The following DERA variants were observed in gnomAD, a reference collection of about 807,000 sequenced individuals.
The protein encoded by DERA is deoxyribose-phosphate aldolase.
DERA carries 15 observed loss-of-function variants against 41.1 expected under a neutral mutation model. The observed-to-expected ratio is 0.37, with a 90% CI of 0.24 to 0.56. The LOEUF is 0.56. DERA is among the 20% of genes least tolerant of loss of function. The probability of loss-of-function intolerance (pLI) is 0.81; values close to 1 mark genes in which losing one functional copy is unlikely to be tolerated. For missense variants in DERA, 396 were observed against 403.4 expected, an observed-to-expected ratio of 0.98 and a Z score of 0.16; for synonymous variants, 139 against 137.4, an observed-to-expected ratio of 1.01 and a Z score of -0.08.
intron 6 of DERA, among the ~76,000 whole-genome samples, chr12:16,007,064 T>G (rs1948915558): frequency 6.6e-6 from 1 of 152,224 alleles, no homozygotes; most frequent in South Asian, 2.1e-4. Flanking sequence ...AGAGAAAATC[T>G]TTAAATAAAA....
chr12:15,958,108 T>G, intron 2 of DERA, 80 bp from the exon 3 acceptor site: 1 of 1,206,026 alleles, frequency 8.3e-7, no homozygotes, highest in Non-Finnish European at 1.1e-6. Context: ...CTAATGATTC[T>G]CTACTAACCA....
chr12:15,961,137 G>A, intron 4 of DERA, among the ~76,000 whole-genome samples: 1 of 152,146 alleles, frequency 6.6e-6, no homozygotes, highest in African/African-American at 2.4e-5. Context: ...ATGGAGTTAG[G>A]GGAGACTTGT....
At chr12:15,956,786 T>C (rs777234259) in intron 1 of DERA, 150 bp from the exon 2 acceptor site, 1 of 736,450 alleles carries the variant, frequency 1.4e-6, no homozygotes, top group South Asian at 1.4e-5. Flanking sequence ...AATAAGGTTG[T>C]TTATTTATAG....
At position 16,001,304 on chromosome 12, in the gene DERA, G is replaced by T. The variant is rs6488809; in HGVS notation, c.637+18868G>T. On this transcript the variant is annotated intron_variant, in intron 6 of 8. Transcript: ENST00000428559. The surrounding 1 kb of genome is among the most constrained non-coding windows in gnomAD (Gnocchi z 4.1). ...AGAAGAAATAAAAAAAACCATTCAG[G>T]CTCCCATGAGGTGATCAGGTACTTC... 0.072 allele frequency among the ~76,000 whole-genome samples: 10,903 copies of T among 152,136 alleles called. 468 individuals are homozygous for T. Among genetic ancestry groups the T allele is most frequent in the African/African-American group, 0.12 (5,167 of 41,480 alleles).
chr12:15,924,958 A>G lies in DERA; in HGVS notation c.31+13544A>G, dbSNP rs1948271374. On this transcript the variant is annotated intron_variant, in intron 1 of 8. Coordinates refer to ENST00000428559, the MANE Select transcript of DERA (RefSeq NM_015954.4). This position sits in a 1 kb window ranked among gnomAD's most constrained non-coding sequence, Gnocchi z 5.0. ...TATCACTTATGTCACCTTGAACAGT[A>G]CTTTTCATAATGTGAAGACTTGTTT... Among the ~76,000 whole-genome samples the G allele has an allele frequency of 6.6e-6, 1 of 152,222 alleles. No homozygotes were observed.
chr12:15,966,529 A>G lies in DERA; in HGVS notation c.508+3582A>G, dbSNP rs962237007. Among the ~76,000 whole-genome samples the G allele has an allele frequency of 6.6e-6, 1 of 152,138 alleles. No individual in the cohort carries two copies. Among genetic ancestry groups the G allele is most frequent in the Non-Finnish European group, 1.5e-5 (1 of 68,026 alleles). On this transcript the variant is annotated intron_variant, in intron 5 of 8. Coordinates refer to ENST00000428559, the MANE Select transcript of DERA (RefSeq NM_015954.4). This position sits in a 1 kb window ranked among gnomAD's most constrained non-coding sequence, Gnocchi z 5.1. ...TGTTTGTCTTGAGAAGTTCAAACTAATATACTAATGACCTGTCATCTCATT... is the reference window on the plus strand; with the variant it reads ...TGTTTGTCTTGAGAAGTTCAAACTAGTATACTAATGACCTGTCATCTCATT...
At position 15,911,615 on chromosome 12, in the gene DERA, T is replaced by C; in HGVS notation, c.31+201T>C. ...CGTTCGCGCCGCTTGTCTTTGCACC[T>C]AAGCTTTTACTCTTGTATGCGGAAG... is the stretch of plus-strand genomic sequence containing the variant. On this transcript the variant is annotated intron_variant, in intron 1 of 8. Coordinates refer to ENST00000428559, the MANE Select transcript of DERA (RefSeq NM_015954.4). This position sits in a 1 kb window ranked among gnomAD's most constrained non-coding sequence, Gnocchi z 4.5. 1 of 701,244 alleles carries C rather than the reference T, an allele frequency of 1.4e-6. No individual in the cohort carries two copies. Among genetic ancestry groups the C allele is most frequent in the Non-Finnish European group, 2.6e-6 (1 of 386,418 alleles). 43.4% of individuals were successfully genotyped at this position (701,244 alleles called of 1,614,324 possible).
At position 15,999,852 on chromosome 12, in the gene DERA, C is replaced by A. The variant is rs1288460045; in HGVS notation, c.637+17416C>A. Among the ~76,000 whole-genome samples, 3 of 152,112 alleles carry A rather than the reference C, an allele frequency of 2.0e-5. No individual in the cohort carries two copies. Among genetic ancestry groups the A allele is most frequent in the African/African-American group, 7.2e-5 (3 of 41,416 alleles). ...CTGGATGACAAAGATTATTATGACA[C>A]CCTCAATCCAGATGCTTTGTAGAAG... On this transcript the variant is annotated intron_variant, in intron 6 of 8. Transcript: ENST00000428559. This position sits in a 1 kb window ranked among gnomAD's most constrained non-coding sequence, Gnocchi z 5.3.
intron 1 of DERA, among the ~76,000 whole-genome samples, chr12:15,925,822 C>CTTTTTT (rs35956433): frequency 3.3e-4 from 31 of 95,260 alleles, no homozygotes; most frequent in African/African-American, 4.8e-4. Flanking sequence ...ACTCCTGAGG[C>CTTTTTT]TTTTTTTTTT....
At position 15,940,163 on chromosome 12, in the gene DERA, A is replaced by G. The variant is rs1276199902; in HGVS notation, c.32-16773A>G. On this transcript the variant is annotated intron_variant, in intron 1 of 8. Transcript: ENST00000428559. The surrounding 1 kb of genome is among the most constrained non-coding windows in gnomAD (Gnocchi z 5.1). ...AGTGGTAGTCACAACAATGTCAGTT[A>G]TTTTATCTTCAGCAAAATAGACTTC... is the stretch of plus-strand genomic sequence containing the variant. Among the ~76,000 whole-genome samples, 1 of 152,154 alleles carries G rather than the reference A, an allele frequency of 6.6e-6. No homozygotes were observed. The highest frequency in any genetic ancestry group is 1.5e-5 in the Non-Finnish European group (1 of 68,026).
intron 1 of DERA, among the ~76,000 whole-genome samples, chr12:15,914,393 T>TAAAAAAAAAA (rs1185673228): frequency 2.4e-4 from 13 of 54,604 alleles, no homozygotes; most frequent in Non-Finnish European, 3.7e-4. Context: ...TCAAAAAAGA[T>TAAAAAAAAAA]AAAAAAAAAA....
rs572716895 is a variant in DERA at position 15,926,651 on chromosome 12, G to A, written c.31+15237G>A. ...CTCGGGAGGCTGAGGCAGGGGAATG[G>A]CGTGAACCCGGGAGGCGGAGCTTGC... On this transcript the variant is annotated intron_variant, in intron 1 of 8. Coordinates refer to ENST00000428559, the MANE Select transcript of DERA (RefSeq NM_015954.4). Among the ~76,000 whole-genome samples, 6 of 151,834 alleles carry A rather than the reference G, an allele frequency of 4.0e-5. No homozygotes were observed. The East Asian group carries it at 5.8e-4, about 15-fold the overall frequency.
intron 6 of DERA, among the ~76,000 whole-genome samples, chr12:16,024,359 A>T (rs888332218): frequency 1.6e-4 from 24 of 152,242 alleles, no homozygotes; most frequent in African/African-American, 5.5e-4. Context: ...TATTATAGTC[A>T]AATTGAAGAA....
chr12:15,946,851 C>G (rs1301614892), intron 1 of DERA, among the ~76,000 whole-genome samples: 1 of 151,920 alleles, frequency 6.6e-6, no homozygotes, highest in African/African-American at 2.4e-5. Flanking sequence ...CTGCTTTTTC[C>G]TGTGGGCATT....
At chr12:16,007,983 T>G (rs1948924187) in intron 6 of DERA, among the ~76,000 whole-genome samples, 1 of 152,142 alleles carries the variant, frequency 6.6e-6, no homozygotes, top group African/African-American at 2.4e-5. Context: ...CCCTAGTAGC[T>G]GAGATTACAG....
chr12:15,980,351 A>G (rs1419704101), intron 5 of DERA, among the ~76,000 whole-genome samples: 1 of 152,224 alleles, frequency 6.6e-6, no homozygotes, highest in Non-Finnish European at 1.5e-5. Context: ...GCTTTTAATG[A>G]CAACACTATT....
intron 1 of DERA, among the ~76,000 whole-genome samples, chr12:15,930,626 T>A (rs1156674579): frequency 1.3e-5 from 2 of 152,134 alleles, no homozygotes; most frequent in Non-Finnish European, 2.9e-5. Context: ...GTTTCAGAAT[T>A]TAAATATATA....
rs1343946184 is a variant in DERA at position 15,992,211 on chromosome 12, AAG to A, written c.637+9781_637+9782del. Among the ~76,000 whole-genome samples, 1 of 152,130 alleles carries A rather than the reference AAG, an allele frequency of 6.6e-6. No individual in the cohort carries two copies. The highest frequency in any genetic ancestry group is 1.9e-4 in the East Asian group (1 of 5,196). On this transcript the variant is annotated intron_variant, in intron 6 of 8. Coordinates refer to ENST00000428559, the MANE Select transcript of DERA (RefSeq NM_015954.4). The surrounding 1 kb of genome is among the most constrained non-coding windows in gnomAD (Gnocchi z 4.3). ...TCCATATACACCAATGAATGAGTGA[AAG>A]AGAGAAAAAAGATAGAGATAAGGAA...
rs1948215252 is a variant in DERA at position 15,918,231 on chromosome 12, G to A, written c.31+6817G>A. On this transcript the variant is annotated intron_variant, in intron 1 of 8. Transcript: ENST00000428559. The surrounding 1 kb of genome is among the most constrained non-coding windows in gnomAD (Gnocchi z 4.3). ...GGTGCTTGGTCCCCCACAGCAGGCT[G>A]CTGCCTACACAAATCTCCCTGTTAC... Among the ~76,000 whole-genome samples the A allele has an allele frequency of 6.6e-6, 1 of 152,220 alleles. No homozygotes were observed. Among genetic ancestry groups the A allele is most frequent in the African/African-American group, 2.4e-5 (1 of 41,470 alleles).
Sources: allele counts gnomAD v4.1 joint callset (sites outside exome capture counted in the v4.1 genomes callset), GRCh38; gene constraint gnomAD v4.1.1; non-coding constraint Gnocchi (gnomAD v3.1); transcripts MANE v1.5; gene names NCBI Gene and HGNC (gene_info 2026-07-23, HGNC 2026-07-21).